SORCS3: variants seen among roughly 807,000 people sequenced by gnomAD.
SORCS3 encodes sortilin related VPS10 domain containing receptor 3, also known as VPS10 domain-containing receptor SorCS3.
SORCS3 carries 57 observed loss-of-function variants against 146.3 expected under a neutral mutation model. That is an observed-to-expected ratio of 0.39 (90% CI 0.31 to 0.49). The LOEUF (loss-of-function observed/expected upper bound fraction) is 0.49. Ranked by LOEUF, SORCS3 falls within the 20% of genes least tolerant of loss-of-function variation. The pLI is 0.92. For missense variants in SORCS3, 1,341 were observed against 1,575.5 expected (o/e 0.85, Z 2.52); for synonymous variants, 653 against 618.5 (o/e 1.06, Z -0.83).
At chr10:104,835,987 G>A (rs1056393710) in intron 1 of SORCS3, among the ~76,000 whole-genome samples, 1 of 152,146 alleles carries the variant, frequency 6.6e-6, no homozygotes, top group Non-Finnish European at 1.5e-5. Flanking sequence ...AGTTGTTCGG[G>A]CACATGCAGG....
chr10:105,100,665 G>T (rs1325985484), intron 6 of SORCS3, among the ~76,000 whole-genome samples: 1 of 152,158 alleles, frequency 6.6e-6, no homozygotes, highest in Non-Finnish European at 1.5e-5. Context: ...GGTAAACGAT[G>T]ATTTAAATTC....
chr10:105,146,978 G>A (rs1220376855), intron 8 of SORCS3, among the ~76,000 whole-genome samples: 3 of 152,072 alleles, frequency 2.0e-5, no homozygotes, highest in Non-Finnish European at 2.9e-5. Flanking sequence ...TCCAGGTTGA[G>A]TATCCTTTTC....
At chr10:104,680,247 G>A (rs2015955119) in intron 1 of SORCS3, among the ~76,000 whole-genome samples, 1 of 152,230 alleles carries the variant, frequency 6.6e-6, no homozygotes, top group South Asian at 2.1e-4. Flanking sequence ...AATCAGCCAT[G>A]CCAGAGTTGC....
chr10:105,249,606 G>A (rs1440740899), intron 22 of SORCS3, among the ~76,000 whole-genome samples: 1 of 152,148 alleles, frequency 6.6e-6, no homozygotes, highest in East Asian at 1.9e-4. Context: ...TGAGGGCTGG[G>A]AGCGGTGGCT....
At chr10:105,170,042 G>A (rs1021400136) in intron 13 of SORCS3, among the ~76,000 whole-genome samples, 1 of 152,120 alleles carries the variant, frequency 6.6e-6, no homozygotes, top group South Asian at 2.1e-4. Flanking sequence ...TTCTGCAGAA[G>A]TTTCCTTGTG....
At chr10:104,683,437 G>T (rs2016003715) in intron 1 of SORCS3, among the ~76,000 whole-genome samples, 1 of 152,222 alleles carries the variant, frequency 6.6e-6, no homozygotes. Context: ...GATAAAAGAA[G>T]TGGCCAGCTA....
At chr10:104,769,774 C>A (rs2017225688) in intron 1 of SORCS3, among the ~76,000 whole-genome samples, 3 of 152,114 alleles carry the variant, frequency 2.0e-5, no homozygotes, top group African/African-American at 7.2e-5. Flanking sequence ...TCTGTGTGTG[C>A]GACCTTGAAT....
intron 20 of SORCS3, 30 bp from the exon 21 acceptor site, chr10:105,245,512 C>T: frequency 1.9e-6 from 3 of 1,612,956 alleles, no homozygotes; most frequent in Non-Finnish European, 1.7e-6. Context: ...CCACACAAGA[C>T]TGAATGAGTA....
At chr10:105,010,954 AT>A (rs1175876579) in intron 4 of SORCS3, among the ~76,000 whole-genome samples, 1 of 152,108 alleles carries the variant, frequency 6.6e-6, no homozygotes, top group Admixed American at 6.6e-5. Flanking sequence ...TGGTGCATAT[AT>A]GAGTTACTGT....
chr10:105,045,038 A>AAAG (rs1554871961), intron 5 of SORCS3, among the ~76,000 whole-genome samples: 58 of 116,570 alleles, frequency 5.0e-4, no homozygotes, highest in Middle Eastern at 4.1e-3. Flanking sequence ...AAAAAAAAAA[A>AAAG]AAAGAAAGAA....
intron 6 of SORCS3, among the ~76,000 whole-genome samples, chr10:105,091,527 T>G (rs1344576077): frequency 7.1e-6 from 1 of 141,388 alleles, no homozygotes; most frequent in Non-Finnish European, 1.6e-5. Context: ...CGTTCCTTCC[T>G]TCCTTCCTCC....
In SORCS3 at chr10:105,078,640, C is replaced by T. The variant is rs374413615; in HGVS notation, c.1029-11135C>T. Among the ~76,000 whole-genome samples, 16 of 152,170 alleles carry T rather than the reference C, an allele frequency of 1.1e-4. 1 individual carries two copies. Among genetic ancestry groups the T allele is most frequent in the African/African-American group, 3.1e-4 (13 of 41,446 alleles). On this transcript the variant is annotated intron_variant, in intron 5 of 26. Coordinates refer to ENST00000369701, the MANE Select transcript of SORCS3 (RefSeq NM_014978.3). ...GTTCTATAAATATTAGTTGCACTTA[C>T]GATATTTTGAGCACTATCATACTAA...
In SORCS3 at chr10:104,641,641, C is replaced by T. The variant is rs1001520359; in HGVS notation, c.314C>T (p.Ala105Val). The T allele has an allele frequency of 4.6e-6, 7 of 1,525,790 alleles. No homozygotes were observed. The highest frequency in any genetic ancestry group is 4.0e-5 in the Admixed American group (2 of 50,278). 94.5% of individuals were successfully genotyped at this position (1,525,790 alleles called of 1,614,324 possible). Residue 105 changes from alanine (A) to valine (V), a missense_variant, in exon 1 of 27, where the codon GCC (alanine) becomes GTC (valine). Coordinates refer to ENST00000369701, the MANE Select transcript of SORCS3 (RefSeq NM_014978.3). The surrounding 1 kb of genome is among the most constrained non-coding windows in gnomAD (Gnocchi z 6.4). ...GGRGGEMQVE[A>V]GGTSPAGERR... is the part of the protein sequence containing the mutation. ...AGAGGCGGTGAGATGCAGGTGGAAG[C>T]CGGAGGGACATCACCGGCAGGCGAG...
At chr10:104,680,411 T>C (rs989447795) in intron 1 of SORCS3, among the ~76,000 whole-genome samples, 1 of 152,188 alleles carries the variant, frequency 6.6e-6, no homozygotes, top group Admixed American at 6.5e-5. Flanking sequence ...CTCAACCTAG[T>C]GAGTCTCATC....
Position 105,252,847 on chromosome 10 carries a change from A to T in SORCS3, c.3178A>T (p.Ile1060Phe). 1.2e-6 allele frequency: 2 copies of T among 1,614,052 alleles called. No homozygotes were observed. The highest frequency in any genetic ancestry group is 1.7e-6 in the Non-Finnish European group (2 of 1,179,980). ...TCTCCCCACTTCAGCAGAGCTTTTC[A>T]TTCTTCCACCCAAGAACCTGACAGA... ...PGLPTSAELF[I>F]LPPKNLTERR... The change falls in exon 23 of 27, where the codon ATT (isoleucine) becomes TTT (phenylalanine). Residue 1060 changes from isoleucine to phenylalanine, a missense_variant. Ile to Phe is a conservative substitution (Grantham distance 21). Transcript: ENST00000369701.
chr10:105,180,230 G>A (rs778161482), intron 14 of SORCS3, among the ~76,000 whole-genome samples: 7 of 152,170 alleles, frequency 4.6e-5, no homozygotes, highest in South Asian at 2.1e-4. Context: ...AGAGGAAAAC[G>A]AAGAATTCAC....
At chr10:104,783,040 A>C (rs1320328493) in intron 1 of SORCS3, among the ~76,000 whole-genome samples, 2 of 152,228 alleles carry the variant, frequency 1.3e-5, no homozygotes, top group African/African-American at 2.4e-5. Flanking sequence ...TGATCTTTGA[A>C]ATCTGTAGAA....
At chr10:104,779,171 A>C (rs1389611700) in intron 1 of SORCS3, among the ~76,000 whole-genome samples, 3 of 152,242 alleles carry the variant, frequency 2.0e-5, no homozygotes, top group Non-Finnish European at 4.4e-5. Flanking sequence ...GCCTCCAGAC[A>C]GAGCCAGCCT....
At chr10:104,835,081 T>G (rs2018050499) in intron 1 of SORCS3, among the ~76,000 whole-genome samples, 1 of 152,224 alleles carries the variant, frequency 6.6e-6, no homozygotes, top group African/African-American at 2.4e-5. Flanking sequence ...AAACTCATGC[T>G]GTGCAATGGG....
Sources: allele counts gnomAD v4.1 joint callset (sites outside exome capture counted in the v4.1 genomes callset), GRCh38; gene constraint gnomAD v4.1.1; non-coding constraint Gnocchi (gnomAD v3.1); transcripts MANE v1.5; gene names NCBI Gene and HGNC (gene_info 2026-07-23, HGNC 2026-07-21).